OR52A5: variants seen among roughly 807,000 people sequenced by gnomAD.
OR52A5 encodes olfactory receptor family 52 subfamily A member 5, also known as olfactory receptor 52A5.
In OR52A5, 16 loss-of-function variants were observed where a neutral mutation model predicts 18.2. The observed-to-expected ratio is 0.88, with a 90% CI of 0.60 to 1.34. OR52A5 has a LOEUF of 1.34. OR52A5 is among the 40% of genes most tolerant of loss of function. The pLI, the probability that OR52A5 is intolerant of heterozygous loss-of-function variation, is 0.00. For missense variants in OR52A5, 418 were observed against 383.0 expected (o/e 1.09, Z -0.76); for synonymous variants, 140 against 137.2 (o/e 1.02, Z -0.14).
intron 1 of OR52A5, among the ~76,000 whole-genome samples, chr11:5,133,069 C>T (rs1348301249): frequency 6.6e-6 from 1 of 151,924 alleles, no homozygotes; most frequent in East Asian, 1.9e-4. Context: ...CTACATTAGC[C>T]ATAAAGAAAG....
chr11:5,132,801 A>C (rs1846354837), intron 1 of OR52A5, 99 bp from the exon 2 acceptor site: 2 of 477,824 alleles, frequency 4.2e-6, no homozygotes, highest in Non-Finnish European at 7.2e-6. Flanking sequence ...ATTCTAACTA[A>C]TCTTCTCTAA....
Position 5,131,667 on chromosome 11 carries a change from A to G in OR52A5, c.*25T>C. The G allele has an allele frequency of 1.4e-6, 2 of 1,452,892 alleles. No individual in the cohort carries two copies. Among genetic ancestry groups the G allele is most frequent in the Non-Finnish European group, 1.9e-6 (2 of 1,048,128 alleles). 90.0% of individuals were successfully genotyped at this position (1,452,892 alleles called of 1,614,324 possible). A position where few individuals can be genotyped will look rare whatever the true frequency, so the allele number is the denominator to read the frequency against. On this transcript the variant is annotated 3_prime_UTR_variant, in exon 2 of 2. Coordinates refer to ENST00000307388, the MANE Select transcript of OR52A5 (RefSeq NM_001005160.3). ...TAGGTTTTTACTTAGAACCAACCCT[A>G]AATCTCTATAGGAGTCACTAACGAT...
At chr11:5,133,692 A>AC (rs1262642200) in intron 1 of OR52A5, among the ~76,000 whole-genome samples, 1 of 151,956 alleles carries the variant, frequency 6.6e-6, no homozygotes. Flanking sequence ...CTTCTCACCT[A>AC]CCATGCTCAG....
At position 5,132,447 on chromosome 11, in the gene OR52A5, C is replaced by A. The variant is rs774579557; in HGVS notation, c.196G>T (p.Ala66Ser). 3.1e-6 allele frequency: 5 copies of A among 1,613,116 alleles called. No individual in the cohort carries two copies. Among genetic ancestry groups the A allele is most frequent in the Non-Finnish European group, 4.2e-6 (5 of 1,179,650 alleles). Reference protein sequence around the residue: ...SLHIPMYIFLAMLAATDIALN... With the variant: ...SLHIPMYIFLSMLAATDIALN... ...GCAATGTCTGTGGCTGCCAACATGGCCAAAAAAATGTACATGGGTATATGG... is the reference window on the plus strand; with the variant it reads ...GCAATGTCTGTGGCTGCCAACATGGACAAAAAAATGTACATGGGTATATGG... Residue 66 changes from alanine to serine, a missense_variant, in exon 2 of 2, where the codon GCC becomes TCC. By Grantham distance (99) the Ala-to-Ser change is moderately conservative. Coordinates refer to ENST00000307388, the MANE Select transcript of OR52A5 (RefSeq NM_001005160.3).
rs556439134 is a variant in OR52A5 at position 5,137,391 on chromosome 11, C to A, written c.-61+920G>T. ...TGATTTAGGAGTCTAAGTTTACACT[C>A]CCTCCTAGAGTTAATCCACACTATC... On this transcript the variant is annotated intron_variant, in intron 1 of 1. Coordinates refer to ENST00000307388, the MANE Select transcript of OR52A5 (RefSeq NM_001005160.3). Among the ~76,000 whole-genome samples the A allele has an allele frequency of 3.9e-5, 6 of 152,276 alleles. No homozygotes were observed. In the East Asian group the frequency reaches 1.2e-3, roughly 29 times the overall value.
chr11:5,132,476 C>T lies in OR52A5; in HGVS notation c.167G>A (p.Ser56Asn), dbSNP rs779462045. Residue 56 changes from serine (S) to asparagine (N), a missense_variant, in exon 2 of 2, where the codon AGC becomes AAC. Transcript: ENST00000307388. Reference sequence around the variant, plus strand: ...AAAAATGTACATGGGTATATGGAGGCTGTTTTCATATTTGATTATAACTAA... The same window carrying T: ...AAAAATGTACATGGGTATATGGAGGTTGTTTTCATATTTGATTATAACTAA... ...LILVIIKYENSLHIPMYIFLA... is the reference protein window; with the variant it reads ...LILVIIKYENNLHIPMYIFLA... 4 of 1,614,114 alleles carry T rather than the reference C, an allele frequency of 2.5e-6. No homozygotes were observed. Among genetic ancestry groups the T allele is most frequent in the Admixed American group, 1.7e-5 (1 of 60,006 alleles).
In OR52A5 at chr11:5,128,852, T is replaced by C. The variant is rs1486284422; in HGVS notation, c.*2840A>G. 3 of 152,092 alleles carry C rather than the reference T, an allele frequency of 2.0e-5. No homozygotes were observed. The highest frequency in any genetic ancestry group is 2.4e-5 in the African/African-American group (1 of 41,426). The allele number at this position is 152,092 out of a possible 1,614,324, so 9.4% of individuals were successfully genotyped here. Reference sequence around the variant, plus strand: ...AAGTAATGGGATGTGACTACTAATGTATATAGATTTTTTTTTAGGATGACG... The same window carrying C: ...AAGTAATGGGATGTGACTACTAATGCATATAGATTTTTTTTTAGGATGACG... On this transcript the variant is annotated 3_prime_UTR_variant, in exon 2 of 2. Transcript: ENST00000307388.
chr11:5,132,327 T>A lies in OR52A5; in HGVS notation c.316A>T (p.Ile106Phe). ...GATTCAATTGCCTGGAATGAGTGAA[T>A]AAGCCACATTTGAAAAAGACAGGCA... ...FDACLFQMWLIHSFQAIESGI... is the reference protein window; with the variant it reads ...FDACLFQMWLFHSFQAIESGI... Residue 106 changes from isoleucine to phenylalanine, a missense_variant, in exon 2 of 2, where the codon ATT becomes TTT. By Grantham distance (21) the Ile-to-Phe change is conservative (BLOSUM62 0). Transcript: ENST00000307388. The A allele has an allele frequency of 6.2e-7, 1 of 1,614,158 alleles. No homozygotes were observed. The highest frequency in any genetic ancestry group is 1.1e-5 in the South Asian group (1 of 91,074).
chr11:5,133,363 CAAAAAAAAAAAA>C (rs745895019), intron 1 of OR52A5, among the ~76,000 whole-genome samples: 4 of 62,408 alleles, frequency 6.4e-5, no homozygotes, highest in Non-Finnish European at 8.8e-5. Context: ...GCGAGACTGT[CAAAAAAAAAAAA>C]AAAAAAAAAA....
Position 5,131,700 on chromosome 11 carries a change from C to T in OR52A5, c.943G>A (p.Val315Ile). The T allele has an allele frequency of 6.2e-7, 1 of 1,608,772 alleles. No individual in the cohort carries two copies. The highest frequency in any genetic ancestry group is 8.5e-7 in the Non-Finnish European group (1 of 1,176,408). The change falls in exon 2 of 2, where the codon GTA (valine) becomes ATA (isoleucine). Residue 315 changes from valine to isoleucine, a missense_variant. Val to Ile is a conservative substitution (Grantham distance 29, BLOSUM62 3). Coordinates refer to ENST00000307388, the MANE Select transcript of OR52A5 (RefSeq NM_001005160.3). ...HIVKVFFFKK[V>I]T Reference sequence around the variant, plus strand: ...ATAGGAGTCACTAACGATCAAGTTACTTTTTTGAAGAAAAACACTTTCACA... The same window carrying T: ...ATAGGAGTCACTAACGATCAAGTTATTTTTTTGAAGAAAAACACTTTCACA...
In OR52A5 at chr11:5,129,377, G is replaced by A. The variant is rs911385508; in HGVS notation, c.*2315C>T. The A allele has an allele frequency of 1.3e-4, 20 of 152,030 alleles. No individual in the cohort carries two copies. The highest frequency in any genetic ancestry group is 4.8e-4 in the African/African-American group (20 of 41,398). 9.4% of individuals were successfully genotyped at this position (152,030 alleles called of 1,614,324 possible). On this transcript the variant is annotated 3_prime_UTR_variant, in exon 2 of 2. Transcript: ENST00000307388. Reference sequence around the variant, plus strand: ...GGAGTATGTAGAATGTTAAAGGAAGGGTAATGGAGAAACTCAGACCTTTTT... The same window carrying A: ...GGAGTATGTAGAATGTTAAAGGAAGAGTAATGGAGAAACTCAGACCTTTTT...
intron 1 of OR52A5, among the ~76,000 whole-genome samples, chr11:5,133,190 A>C (rs1846359046): frequency 6.6e-6 from 1 of 151,890 alleles, no homozygotes; most frequent in Non-Finnish European, 1.5e-5. Context: ...TAACACGGTG[A>C]AACCCCATCT....
rs138097637 is a variant in OR52A5 at position 5,131,735 on chromosome 11, C to T, written c.908G>A (p.Arg303His). 2.7e-5 allele frequency: 43 copies of T among 1,613,628 alleles called. No individual in the cohort carries two copies. The highest frequency in any genetic ancestry group is 1.3e-4 in the South Asian group (12 of 91,022). Residue 303 changes from arginine to histidine, a missense_variant, in exon 2 of 2, where the codon CGT (arginine) becomes CAT (histidine). Physicochemically the swap from Arg to His is conservative, Grantham distance 29. Coordinates refer to ENST00000307388, the MANE Select transcript of OR52A5 (RefSeq NM_001005160.3). ...GAAAAACACTTTCACAATATGGTCA[C>T]GAATTTGCTTGGTCTTCACTCCATA... ...IVYGVKTKQI[R>H]DHIVKVFFFK...
In OR52A5 at chr11:5,132,507, G is replaced by A. The variant is rs1846350809; in HGVS notation, c.136C>T (p.Leu46=). The part of the protein sequence containing the change: ...MYLIGVIGNS[L]ILVIIKYENS... ...TCATATTTGATTATAACTAAAATTA[G>A]GGAATTTCCAATCACACCAATAAGA... The change falls in exon 2 of 2, where the codon CTA becomes TTA. Residue 46 remains leucine (L), a synonymous_variant. Coordinates refer to ENST00000307388, the MANE Select transcript of OR52A5 (RefSeq NM_001005160.3). 6.2e-7 allele frequency: 1 copy of A among 1,614,028 alleles called. No homozygotes were observed. The highest frequency in any genetic ancestry group is 8.5e-7 in the Non-Finnish European group (1 of 1,179,964).
At chr11:5,135,154 G>T (rs183056791) in intron 1 of OR52A5, among the ~76,000 whole-genome samples, 24 of 152,202 alleles carry the variant, frequency 1.6e-4, no homozygotes, top group Non-Finnish European at 3.1e-4. Context: ...GATTACAGGC[G>T]GGAGCCACCA....
At position 5,130,234 on chromosome 11, in the gene OR52A5, TAC is replaced by T. The variant is rs1342650758; in HGVS notation, c.*1456_*1457del. ...CATTTTTATACCAGATACTTTGAAA[TAC>T]AGTTTTTTCATTCACTCATGATTAA... On this transcript the variant is annotated 3_prime_UTR_variant, in exon 2 of 2. Coordinates refer to ENST00000307388, the MANE Select transcript of OR52A5 (RefSeq NM_001005160.3). 6 of 152,238 alleles carry T rather than the reference TAC, an allele frequency of 3.9e-5. No homozygotes were observed. The East Asian group carries it at 9.6e-4, about 24-fold the overall frequency. The allele number at this position is 152,238 out of a possible 1,614,324, so 9.4% of individuals were successfully genotyped here.
chr11:5,134,666 G>A (rs377156719), intron 1 of OR52A5, among the ~76,000 whole-genome samples: 1 of 151,480 alleles, frequency 6.6e-6, no homozygotes, highest in East Asian at 1.9e-4. Flanking sequence ...ATATCACTCA[G>A]TTAAAATCTT....
At position 5,130,799 on chromosome 11, in the gene OR52A5, T is replaced by C. The variant is rs1335946287; in HGVS notation, c.*893A>G. 1 of 152,138 alleles carries C rather than the reference T, an allele frequency of 6.6e-6. No homozygotes were observed. Among genetic ancestry groups the C allele is most frequent in the Non-Finnish European group, 1.5e-5 (1 of 67,978 alleles). The allele number at this position is 152,138 out of a possible 1,614,324, so 9.4% of individuals were successfully genotyped here. The stretch of plus-strand genomic sequence containing the variant: ...TAGTGATTCAGATGACTCTGTCAAC[T>C]TGATTCTTAAGGAAAAAAAAATTTG... On this transcript the variant is annotated 3_prime_UTR_variant, in exon 2 of 2. Coordinates refer to ENST00000307388, the MANE Select transcript of OR52A5 (RefSeq NM_001005160.3).
chr11:5,132,910 C>T lies in OR52A5; in HGVS notation c.-60-208G>A, dbSNP rs55938521. 5.6e-3 allele frequency among the ~76,000 whole-genome samples: 854 copies of T among 152,056 alleles called. 9 individuals are homozygous for T. Among genetic ancestry groups the T allele is most frequent in the African/African-American group, 0.019 (789 of 41,460 alleles). The stretch of plus-strand genomic sequence containing the variant: ...AATGGGCAAAATTAAATGGATTAGA[C>T]GGCTTTTTTCTGGTTCATGACTATT... On this transcript the variant is annotated intron_variant, in intron 1 of 1. Transcript: ENST00000307388.
Sources: allele counts gnomAD v4.1 joint callset (sites outside exome capture counted in the v4.1 genomes callset), GRCh38; gene constraint gnomAD v4.1.1; transcripts MANE v1.5; gene names NCBI Gene and HGNC (gene_info 2026-07-23, HGNC 2026-07-21).